The following MARF1 variants were observed in gnomAD, a reference collection of about 807,000 sequenced individuals.
The protein encoded by MARF1 is limkain-b1.
MARF1 carries 24 observed loss-of-function variants against 168.2 expected under a neutral mutation model. That is an observed-to-expected ratio of 0.14 (90% confidence interval 0.10 to 0.20). The LOEUF is 0.20. Among genes scored for constraint, MARF1 ranks in the 10% least tolerant of loss-of-function variants. The pLI is 1.00. For missense variants in MARF1, 1,744 were observed against 2,143.6 expected, an observed-to-expected ratio of 0.81 and a Z score of 3.68; for synonymous variants, 868 against 822.4, an observed-to-expected ratio of 1.06 and a Z score of -0.95.
chr16:15,614,253 C>T (rs968833997), intron 16 of MARF1, among the ~76,000 whole-genome samples: 25 of 151,562 alleles, frequency 1.6e-4, no homozygotes, highest in African/African-American at 5.6e-4. Flanking sequence ...GAGGCTGAGG[C>T]GGGCGGATCA....
intron 19 of MARF1, chr16:15,610,319 G>C (rs898597966): frequency 2.0e-5 from 3 of 153,434 alleles, no homozygotes. Context: ...TTAAGAACCA[G>C]ATAATAGAAG....
intron 1 of MARF1, among the ~76,000 whole-genome samples, chr16:15,642,733 T>C (rs929774541): frequency 1.3e-4 from 20 of 152,146 alleles, no homozygotes; most frequent in African/African-American, 4.3e-4. Flanking sequence ...ACTTCACTCC[T>C]GGAGGGCCCC....
chr16:15,608,107 A>G (rs180844045), intron 21 of MARF1, among the ~76,000 whole-genome samples, 184 bp downstream of exon 21: 69 of 152,238 alleles, frequency 4.5e-4, no homozygotes, highest in Middle Eastern at 6.8e-3. Context: ...CAACTTCCAA[A>G]CCAAGGCTTC....
chr16:15,634,571 T>C (rs972100954), intron 4 of MARF1, among the ~76,000 whole-genome samples, 186 bp downstream of exon 4: 2 of 152,038 alleles, frequency 1.3e-5, no homozygotes, highest in African/African-American at 4.8e-5. Context: ...CGGCCCAACA[T>C]AAAGGGCAAA....
At chr16:15,627,696 T>C (rs2034968264) in intron 7 of MARF1, among the ~76,000 whole-genome samples, 1 of 152,032 alleles carries the variant, frequency 6.6e-6, no homozygotes, top group South Asian at 2.1e-4. Context: ...ATATAAAGGG[T>C]TAAATCCAGA....
chr16:15,634,286 G>C (rs996368739), intron 4 of MARF1, among the ~76,000 whole-genome samples: 1 of 152,168 alleles, frequency 6.6e-6, no homozygotes, highest in Non-Finnish European at 1.5e-5. Flanking sequence ...CGTTGATTTT[G>C]AGTTAACGCT....
chr16:15,612,955 T>C (rs1325446604), intron 16 of MARF1, among the ~76,000 whole-genome samples, 178 bp from the exon 17 acceptor site: 1 of 152,190 alleles, frequency 6.6e-6, no homozygotes, highest in African/African-American at 2.4e-5. Context: ...AATAACTAGC[T>C]AACTAACTTA....
intron 22 of MARF1, among the ~76,000 whole-genome samples, chr16:15,603,397 C>T (rs1260366538): frequency 6.6e-6 from 1 of 152,078 alleles, no homozygotes; most frequent in Admixed American, 6.6e-5. Flanking sequence ...TGGCCTCAAA[C>T]TCCTGGGCTC....
chr16:15,629,332 C>T (rs1028302169), intron 7 of MARF1, among the ~76,000 whole-genome samples: 5 of 152,166 alleles, frequency 3.3e-5, no homozygotes, highest in African/African-American at 7.2e-5. Flanking sequence ...CAACTCTCAA[C>T]TGTCCATAGC....
chr16:15,607,489 C>T (rs1234277451), intron 21 of MARF1, among the ~76,000 whole-genome samples: 1 of 152,120 alleles, frequency 6.6e-6, no homozygotes, highest in Non-Finnish European at 1.5e-5. Flanking sequence ...GCGGAGGTTG[C>T]AGTGAGCCAA....
At chr16:15,623,909 T>C (rs1364672425) in intron 10 of MARF1, among the ~76,000 whole-genome samples, 1 of 149,294 alleles carries the variant, frequency 6.7e-6, no homozygotes, top group African/African-American at 2.5e-5. Flanking sequence ...AGTCACTTTC[T>C]CTTTTTTTTT....
intron 22 of MARF1, chr16:15,602,520 C>CGAAGACGACGATAAA (rs1487891506): frequency 4.4e-6 from 2 of 459,582 alleles, no homozygotes; most frequent in African/African-American, 4.3e-5. Flanking sequence ...ATGAAGAAGA[C>CGAAGACGACGATAAA]GAAGACGACG....
At chr16:15,602,304 C>T (rs2032520704) in intron 22 of MARF1, 101 bp from the exon 23 acceptor site, 11 of 905,626 alleles carry the variant, frequency 1.2e-5, no homozygotes, top group East Asian at 2.4e-5. Context: ...GAGTTGAAGA[C>T]GAAGACAAAG....
intron 16 of MARF1, among the ~76,000 whole-genome samples, chr16:15,614,792 C>CAA (rs201659285): frequency 3.5e-5 from 5 of 143,356 alleles, no homozygotes; most frequent in South Asian, 4.4e-4. Flanking sequence ...GACTCCGTCT[C>CAA]AAAAAAAAAA....
Position 15,595,945 on chromosome 16 carries a change from T to TC in MARF1, c.*747dup, listed in dbSNP as rs1224162862. ...CCATGACATCGAGACCATCTCCTTT[T>TC]CCTTAACCTAACCCATATCAAACTG... On this transcript the variant is annotated 3_prime_UTR_variant, in exon 27 of 27. Transcript: ENST00000396368. The TC allele has an allele frequency of 1.3e-5, 2 of 152,492 alleles. No homozygotes were observed. Among genetic ancestry groups the TC allele is most frequent in the African/African-American group, 4.8e-5 (2 of 41,440 alleles). The allele number at this position is 152,492 out of a possible 1,614,324, so 9.4% of individuals were successfully genotyped here.
intron 26 of MARF1, among the ~76,000 whole-genome samples, chr16:15,597,287 A>G (rs1480246651): frequency 1.3e-5 from 2 of 152,178 alleles, no homozygotes; most frequent in East Asian, 3.9e-4. Context: ...GCTATCCACG[A>G]CTTAGAGACT....
At chr16:15,614,481 C>CAAAAAA (rs59862823) in intron 16 of MARF1, among the ~76,000 whole-genome samples, 5 of 47,664 alleles carry the variant, frequency 1.0e-4, no homozygotes, top group Non-Finnish European at 1.9e-4. Flanking sequence ...GACTCCGTCT[C>CAAAAAA]AAAAAAAAAA....
Position 15,623,080 on chromosome 16 carries a change from A to G in MARF1, c.2314T>C (p.Phe772Leu). ...NLLNRASPLA[F>L]NIANSSSEAD... ...TCGCTGCTCGAATTTGCAATGTTGA[A>G]AGCAAGCGGGGATGCTCTGTTTAAA... The change falls in exon 11 of 27, where the codon TTC (phenylalanine) becomes CTC (leucine). Residue 772 changes from phenylalanine (F) to leucine (L), a missense_variant. Physicochemically the swap from Phe to Leu is conservative, Grantham distance 22. Transcript: ENST00000396368. 1 of 1,610,162 alleles carries G rather than the reference A, an allele frequency of 6.2e-7. No individual in the cohort carries two copies. The highest frequency in any genetic ancestry group is 8.5e-7 in the Non-Finnish European group (1 of 1,176,674).
intron 26 of MARF1, among the ~76,000 whole-genome samples, chr16:15,598,053 A>G (rs1192906774): frequency 1.3e-5 from 2 of 152,216 alleles, no homozygotes; most frequent in African/African-American, 2.4e-5. Context: ...CAGCACCAGC[A>G]GTGGGGAGGA....
Sources: allele counts gnomAD v4.1 joint callset (sites outside exome capture counted in the v4.1 genomes callset), GRCh38; gene constraint gnomAD v4.1.1; transcripts MANE v1.5; gene names NCBI Gene and HGNC (gene_info 2026-07-23, HGNC 2026-07-21).